NETO2: variants seen among roughly 807,000 people sequenced by gnomAD.
NETO2 encodes neuropilin and tolloid-like protein 2.
Under a neutral mutation model 62.5 loss-of-function variants are expected in NETO2, and 28 were observed. That is an observed-to-expected ratio of 0.45 (90% CI 0.33 to 0.61). The LOEUF is 0.61. NETO2 is among the 20% of genes least tolerant of loss of function. The pLI is 0.02. For synonymous variants in NETO2, 214 were observed against 219.1 expected (o/e 0.98, Z 0.21); for missense variants, 548 against 643.2 (o/e 0.85, Z 1.60).
chr16:47,094,528 C>A (rs1219424631), intron 7 of NETO2, among the ~76,000 whole-genome samples: 4 of 140,424 alleles, frequency 2.8e-5, no homozygotes, highest in Non-Finnish European at 6.2e-5. Context: ...CGGGTTCACG[C>A]CATTCTCCTG....
rs1022265226 is a variant in NETO2, at chr16:47,080,382, C to G, written c.*2839G>C. 1 of 152,132 alleles carries G rather than the reference C, an allele frequency of 6.6e-6. No individual in the cohort carries two copies. Among genetic ancestry groups the G allele is most frequent in the African/African-American group, 2.4e-5 (1 of 41,434 alleles). The allele number at this position is 152,132 out of a possible 1,614,324, so 9.4% of individuals were successfully genotyped here. ...CTGGGACACTGTGTGGGGTACCCTG[C>G]GTGACAGTTAATACTGTGTAATGAA... On this transcript the variant is annotated 3_prime_UTR_variant, in exon 9 of 9. Transcript: ENST00000562435.
chr16:47,078,619 A>G lies in NETO2; in HGVS notation c.*4602T>C, dbSNP rs539355447. 1 of 152,378 alleles carries G rather than the reference A, an allele frequency of 6.6e-6. No homozygotes were observed. The highest frequency in any genetic ancestry group is 2.4e-5 in the African/African-American group (1 of 41,602). The allele number at this position is 152,378 out of a possible 1,614,324, so 9.4% of individuals were successfully genotyped here. A position where few individuals can be genotyped will look rare whatever the true frequency, so the allele number is the denominator to read the frequency against. On this transcript the variant is annotated 3_prime_UTR_variant, in exon 9 of 9. Coordinates refer to ENST00000562435, the MANE Select transcript of NETO2 (RefSeq NM_018092.5). ...AAGTGATTTTGCAGAAAACTAAAAT[A>G]TCCAAGATAATCTTGTTATTTACAG...
intron 8 of NETO2, among the ~76,000 whole-genome samples, chr16:47,085,331 C>T (rs1963162911): frequency 1.3e-5 from 2 of 151,604 alleles, no homozygotes; most frequent in African/African-American, 2.4e-5. Context: ...ATACAAATGA[C>T]AAACTTCAAC....
At chr16:47,131,223 T>C (rs571055513) in intron 2 of NETO2, among the ~76,000 whole-genome samples, 1 of 152,140 alleles carries the variant, frequency 6.6e-6, no homozygotes, top group African/African-American at 2.4e-5. Flanking sequence ...CAAATATGGA[T>C]GGGGTGGACG....
rs3095624 is a variant in NETO2, at chr16:47,125,064, A to G, written c.482-2152T>C. Among the ~76,000 whole-genome samples, 1,252 of 152,316 alleles carry G rather than the reference A, an allele frequency of 8.2e-3. 12 individuals are homozygous for G. The highest frequency in any genetic ancestry group is 0.01 in the Non-Finnish European group (712 of 68,016). Reference sequence around the variant, plus strand: ...ACTTTGTCTTTAAATATTTAAAAACATTATTCAAATAAGAGTATTCTTTGG... The same window carrying G: ...ACTTTGTCTTTAAATATTTAAAAACGTTATTCAAATAAGAGTATTCTTTGG... On this transcript the variant is annotated intron_variant, in intron 4 of 8. Coordinates refer to ENST00000562435, the MANE Select transcript of NETO2 (RefSeq NM_018092.5).
intron 4 of NETO2, among the ~76,000 whole-genome samples, chr16:47,126,598 C>A (rs924467153): frequency 1.3e-5 from 2 of 152,080 alleles, no homozygotes; most frequent in African/African-American, 4.8e-5. Flanking sequence ...CACCCTACTG[C>A]GAGTGAACCC....
At chr16:47,137,445 T>C (rs187376106) in intron 1 of NETO2, among the ~76,000 whole-genome samples, 13 of 152,198 alleles carry the variant, frequency 8.5e-5, no homozygotes, top group Admixed American at 5.9e-4. Flanking sequence ...TTTCCCTCCT[T>C]TGGTAGTGGC....
chr16:47,115,198 A>G (rs1246386845), intron 6 of NETO2, among the ~76,000 whole-genome samples: 1 of 152,168 alleles, frequency 6.6e-6, no homozygotes, highest in Non-Finnish European at 1.5e-5. Context: ...CTTTTTCAGA[A>G]TAATTTTGGC....
chr16:47,083,695 T>C lies in NETO2; in HGVS notation c.1104A>G (p.Val368=). 6.2e-7 allele frequency: 1 copy of C among 1,614,198 alleles called. No individual in the cohort carries two copies. Among genetic ancestry groups the C allele is most frequent in the Non-Finnish European group, 8.5e-7 (1 of 1,180,016 alleles). Residue 368 remains valine, a synonymous_variant, in exon 9 of 9, where the codon GTA becomes GTG. Transcript: ENST00000562435. ...VLVLLIISIL[V]QVKQPRKKVM... is the part of the protein sequence containing the mutation. The stretch of plus-strand genomic sequence containing the variant: ...CCTTTTTTCGAGGCTGTTTCACTTG[T>C]ACTAAAATAGAAATAATGAGAAGGA...
At chr16:47,141,431 A>T (rs1009189419) in intron 1 of NETO2, among the ~76,000 whole-genome samples, 3 of 151,978 alleles carry the variant, frequency 2.0e-5, no homozygotes, top group African/African-American at 7.2e-5. Flanking sequence ...TAAAATATTG[A>T]TTTTTAAATA....
At chr16:47,107,499 G>C (rs1218729924) in intron 7 of NETO2, among the ~76,000 whole-genome samples, 1 of 152,132 alleles carries the variant, frequency 6.6e-6, no homozygotes, top group Non-Finnish European at 1.5e-5. Flanking sequence ...GTTACTTTTT[G>C]TGTATATTAG....
At chr16:47,130,945 G>A (rs528962957) in intron 2 of NETO2, among the ~76,000 whole-genome samples, 6 of 151,768 alleles carry the variant, frequency 4.0e-5, no homozygotes, top group Admixed American at 2.6e-4. Flanking sequence ...AGCGAATGTG[G>A]AGCAAAAAGA....
At chr16:47,123,880 G>A (rs1964095668) in intron 4 of NETO2, among the ~76,000 whole-genome samples, 1 of 152,112 alleles carries the variant, frequency 6.6e-6, no homozygotes, top group Non-Finnish European at 1.5e-5. Flanking sequence ...TATATTTTTA[G>A]TAGAGGCAGA....
chr16:47,089,468 A>T (rs1963267943), intron 7 of NETO2, among the ~76,000 whole-genome samples: 1 of 152,250 alleles, frequency 6.6e-6, no homozygotes. Flanking sequence ...GAGACTATGC[A>T]ATCAGTGGTC....
intron 7 of NETO2, among the ~76,000 whole-genome samples, chr16:47,090,419 T>C (rs1205657224): frequency 6.6e-6 from 1 of 152,212 alleles, no homozygotes; most frequent in African/African-American, 2.4e-5. Context: ...ATTTTAATGG[T>C]ATGCTTCAAT....
At chr16:47,132,182 T>G (rs754445108) in intron 1 of NETO2, among the ~76,000 whole-genome samples, 157 bp from the exon 2 acceptor site, 1 of 152,206 alleles carries the variant, frequency 6.6e-6, no homozygotes, top group Non-Finnish European at 1.5e-5. Context: ...AATGTTATGT[T>G]CTGATTTGCT....
At chr16:47,113,585 CTTTTTT>C (rs953891691) in intron 6 of NETO2, among the ~76,000 whole-genome samples, 6 of 106,640 alleles carry the variant, frequency 5.6e-5, no homozygotes, top group Admixed American at 9.4e-5. Context: ...ACAGTTTATT[CTTTTTT>C]TTTTTTTTTT....
intron 1 of NETO2, among the ~76,000 whole-genome samples, chr16:47,141,594 T>C (rs1486863682): frequency 6.6e-6 from 1 of 152,206 alleles, no homozygotes; most frequent in East Asian, 1.9e-4. Flanking sequence ...TTATTGAATC[T>C]TTCCAGACCA....
intron 8 of NETO2, among the ~76,000 whole-genome samples, chr16:47,084,453 G>A (rs1963141337): frequency 6.6e-6 from 1 of 152,182 alleles, no homozygotes. Context: ...TGTATCTGCT[G>A]CTGCTCCCCA....
Sources: allele counts gnomAD v4.1 joint callset (sites outside exome capture counted in the v4.1 genomes callset), GRCh38; gene constraint gnomAD v4.1.1; transcripts MANE v1.5; gene names NCBI Gene and HGNC (gene_info 2026-07-23, HGNC 2026-07-21).